Variants in ENPEP observed in about 807,000 individuals in gnomAD.
The protein encoded by ENPEP is AP-A.
A neutral mutation model predicts 114.5 loss-of-function variants in ENPEP; 103 were observed. The observed-to-expected ratio is 0.90, with a 90% CI of 0.77 to 1.06. The LOEUF is 1.06. ENPEP is among the 50% of genes least tolerant of loss of function. The pLI, the probability that ENPEP is intolerant of heterozygous loss-of-function variation, is 0.00. For synonymous variants in ENPEP, 420 were observed against 422.0 expected (o/e 1.00, Z 0.06); for missense variants, 1,196 against 1,161.3 (o/e 1.03, Z -0.43).
Position 110,536,107 on chromosome 4 carries a change from C to CA in ENPEP, c.1807+4856dup, listed in dbSNP as rs34765143. 7.2e-3 allele frequency among the ~76,000 whole-genome samples: 456 copies of CA among 63,058 alleles called. 20 individuals are homozygous for CA. Among genetic ancestry groups the CA allele is most frequent in the East Asian group, 0.018 (25 of 1,402 alleles). 41.4% of individuals were successfully genotyped at this position (63,058 alleles called of 152,430 possible). On this transcript the variant is annotated intron_variant, in intron 11 of 19. Coordinates refer to ENST00000265162, the MANE Select transcript of ENPEP (RefSeq NM_001977.4). ...GGGCAACAAGAGTGAAACTCTGTCT[C>CA]AAAAAAAAAAAAAAAAAAAAAAAAA...
At chr4:110,487,920 T>C (rs1724562389) in intron 1 of ENPEP, among the ~76,000 whole-genome samples, 1 of 152,224 alleles carries the variant, frequency 6.6e-6, no homozygotes, top group Non-Finnish European at 1.5e-5. Flanking sequence ...CTGCTCTCTC[T>C]TTTTAAGAGT....
At chr4:110,535,698 A>G (rs1158914208) in intron 11 of ENPEP, among the ~76,000 whole-genome samples, 1 of 152,230 alleles carries the variant, frequency 6.6e-6, no homozygotes, top group Non-Finnish European at 1.5e-5. Flanking sequence ...CTTAGTAAGA[A>G]TTAAAGGGCT....
At chr4:110,535,890 A>G (rs1256952238) in intron 11 of ENPEP, among the ~76,000 whole-genome samples, 1 of 152,208 alleles carries the variant, frequency 6.6e-6, no homozygotes, top group Non-Finnish European at 1.5e-5. Flanking sequence ...TCAGTAAAAA[A>G]GATTACAACT....
intron 2 of ENPEP, among the ~76,000 whole-genome samples, chr4:110,489,726 A>G (rs1424165405): frequency 5.9e-5 from 9 of 152,164 alleles, no homozygotes; most frequent in Non-Finnish European, 1.0e-4. Context: ...CATTGCCTCA[A>G]AGTTGAGGTT....
chr4:110,539,537 G>A (rs377542675), intron 11 of ENPEP, among the ~76,000 whole-genome samples: 5 of 152,082 alleles, frequency 3.3e-5, no homozygotes, highest in Middle Eastern at 6.8e-3. Context: ...AGCATTACTC[G>A]TGTCTTTCAG....
rs779288181 is a variant in ENPEP at position 110,520,231 on chromosome 4, T to C, written c.1592T>C (p.Val531Ala). The part of the protein sequence containing the change: ...AALEEASRLP[V>A]KEVMDTWTRQ... Reference sequence around the variant, plus strand: ...CAATCTTAGGCAAGTAGGCTACCAGTGAAAGAAGTAATGGACACCTGGACC... The same window carrying C: ...CAATCTTAGGCAAGTAGGCTACCAGCGAAAGAAGTAATGGACACCTGGACC... Residue 531 changes from valine to alanine, a missense_variant, in exon 10 of 20, where the codon GTG becomes GCG. Transcript: ENST00000265162. The C allele has an allele frequency of 2.5e-6, 4 of 1,613,816 alleles. No homozygotes were observed. Among genetic ancestry groups the C allele is most frequent in the Middle Eastern group, 1.7e-4 (1 of 6,056 alleles).
At chr4:110,509,522 A>T in intron 4 of ENPEP, 131 bp from the exon 5 acceptor site, 2 of 1,181,308 alleles carry the variant, frequency 1.7e-6, no homozygotes, top group Non-Finnish European at 2.3e-6. Context: ...ACACATGATT[A>T]CAGTTCTTTA....
Position 110,513,528 on chromosome 4 carries a change from T to A in ENPEP, c.1422T>A (p.Phe474Leu). The A allele has an allele frequency of 6.2e-7, 1 of 1,613,282 alleles. No individual in the cohort carries two copies. Among genetic ancestry groups the A allele is most frequent in the Non-Finnish European group, 8.5e-7 (1 of 1,179,510 alleles). The change falls in exon 7 of 20, where the codon TTT becomes TTA. Residue 474 changes from phenylalanine to leucine, a missense_variant. By Grantham distance (22) the Phe-to-Leu change is conservative. Transcript: ENST00000265162. ...CCCCTGATGAAATAACATCTGTTTT[T>A]GATGGAATATCCTATAGCAAGGTGG... ...VTTPDEITSV[F>L]DGISYSKGSS...
chr4:110,535,598 C>T (rs1303017159), intron 11 of ENPEP, among the ~76,000 whole-genome samples: 1 of 152,190 alleles, frequency 6.6e-6, no homozygotes, highest in African/African-American at 2.4e-5. Context: ...AGAATGCTAA[C>T]TTGTTAATTT....
chr4:110,495,449 G>A (rs981405387), intron 3 of ENPEP, among the ~76,000 whole-genome samples: 8 of 152,130 alleles, frequency 5.3e-5, no homozygotes, highest in East Asian at 1.9e-4. Flanking sequence ...GGCCGGGCGC[G>A]GTGGCTCATG....
At chr4:110,520,431 T>C in intron 10 of ENPEP, 65 bp downstream of exon 10, 1 of 1,529,438 alleles carries the variant, frequency 6.5e-7, no homozygotes, top group Non-Finnish European at 9.0e-7. Flanking sequence ...AATTTGTTTA[T>C]ATCCTATTGT....
At chr4:110,490,383 G>A (rs1724661549) in intron 2 of ENPEP, among the ~76,000 whole-genome samples, 1 of 152,192 alleles carries the variant, frequency 6.6e-6, no homozygotes, top group South Asian at 2.1e-4. Context: ...GGCTGCAGGA[G>A]ATGTGGAAAT....
intron 8 of ENPEP, chr4:110,515,734 A>G (rs747005835): frequency 2.0e-5 from 10 of 511,080 alleles, no homozygotes; most frequent in Admixed American, 9.0e-5. Flanking sequence ...AGGAAATACC[A>G]TAGACTGGGT....
chr4:110,517,096 C>T (rs1207885437), intron 8 of ENPEP, among the ~76,000 whole-genome samples: 3 of 152,092 alleles, frequency 2.0e-5, no homozygotes, highest in Admixed American at 1.3e-4. Flanking sequence ...GGCACCACCA[C>T]ACCCGGCTAA....
chr4:110,499,575 G>A (rs1423465637), intron 3 of ENPEP, among the ~76,000 whole-genome samples: 1 of 152,170 alleles, frequency 6.6e-6, no homozygotes, highest in Non-Finnish European at 1.5e-5. Context: ...TTTCAGATTT[G>A]TGAAAGGTAA....
rs961350846 is a variant in ENPEP, at chr4:110,545,554, C to T, written c.2000+2484C>T. Among the ~76,000 whole-genome samples the T allele has an allele frequency of 7.9e-5, 12 of 152,114 alleles. No homozygotes were observed. The East Asian group carries it at 2.3e-3, about 30-fold the overall frequency. ...TGGAACTTCTATGTCTCCCGAGTCACCGTGCTGCCTCTGGTTTCTCCAAAG... is the reference window on the plus strand; with the variant it reads ...TGGAACTTCTATGTCTCCCGAGTCATCGTGCTGCCTCTGGTTTCTCCAAAG... On this transcript the variant is annotated intron_variant, in intron 13 of 19. Coordinates refer to ENST00000265162, the MANE Select transcript of ENPEP (RefSeq NM_001977.4).
chr4:110,476,693 G>A lies in ENPEP; in HGVS notation c.279G>A (p.Leu93=), dbSNP rs1159430589. 5.0e-6 allele frequency: 8 copies of A among 1,613,700 alleles called. No individual in the cohort carries two copies. Among genetic ancestry groups the A allele is most frequent in the Non-Finnish European group, 6.8e-6 (8 of 1,180,054 alleles). Residue 93 remains leucine, a synonymous_variant, in exon 1 of 20, where the codon CTG becomes CTA. Transcript: ENST00000265162. ...DESGQWKNFR[L]PDFVNPVHYD... ...GCGGACAGTGGAAAAACTTTCGACTGCCGGACTTCGTCAACCCAGTCCACT... is the reference window on the plus strand; with the variant it reads ...GCGGACAGTGGAAAAACTTTCGACTACCGGACTTCGTCAACCCAGTCCACT...
chr4:110,492,910 C>T (rs1724783286), intron 3 of ENPEP, among the ~76,000 whole-genome samples: 1 of 152,050 alleles, frequency 6.6e-6, no homozygotes, highest in African/African-American at 2.4e-5. Flanking sequence ...TTTCCCATAC[C>T]AAGTTTTAAA....
chr4:110,559,683 C>G lies in ENPEP; in HGVS notation c.2679C>G (p.Val893=). 6.2e-7 allele frequency: 1 copy of G among 1,613,964 alleles called. No individual in the cohort carries two copies. Among genetic ancestry groups the G allele is most frequent in the African/African-American group, 1.3e-5 (1 of 75,030 alleles). Residue 893 remains valine (V), a synonymous_variant, in exon 19 of 20, where the codon GTC becomes GTG. Coordinates refer to ENST00000265162, the MANE Select transcript of ENPEP (RefSeq NM_001977.4). Reference sequence around the variant, plus strand: ...ATAACAGAAACCTTGGCCGAATTGTCACAATAGCAGAGCCATTCAACACTG... The same window carrying G: ...ATAACAGAAACCTTGGCCGAATTGTGACAATAGCAGAGCCATTCAACACTG... ...TLNNRNLGRI[V]TIAEPFNTEL...
Sources: gnomAD v4.1 joint callset for allele counts (sites outside exome capture counted in the v4.1 genomes callset) on GRCh38, gnomAD v4.1.1 for gene constraint, MANE v1.5 for transcripts, NCBI Gene and HGNC (gene_info 2026-07-23, HGNC 2026-07-21) for gene names.